EYS: variants seen among roughly 807,000 people sequenced by gnomAD.
The protein encoded by EYS is EGF-like photoreceptor maintenance factor.
A neutral mutation model predicts 282.1 loss-of-function variants in EYS; 250 were observed. The observed-to-expected ratio is 0.89, with a 90% CI of 0.80 to 0.98. The LOEUF is 0.98. Among genes scored for constraint, EYS ranks in the 50% least tolerant of loss-of-function variants. The pLI is 0.00. For missense variants in EYS, 4,016 were observed against 3,709.0 expected, an observed-to-expected ratio of 1.08 and a Z score of -2.15; for synonymous variants, 1,355 against 1,282.9, an observed-to-expected ratio of 1.06 and a Z score of -1.20.
chr6:65,232,251 A>C (rs946025093), intron 12 of EYS, among the ~76,000 whole-genome samples: 1 of 151,986 alleles, frequency 6.6e-6, no homozygotes, highest in Non-Finnish European at 1.5e-5. Flanking sequence ...ATAATGTCCA[A>C]AATTAAAATA....
At chr6:64,312,190 G>T (rs1187489851) in intron 29 of EYS, among the ~76,000 whole-genome samples, 1 of 151,924 alleles carries the variant, frequency 6.6e-6, no homozygotes, top group Admixed American at 6.6e-5. Flanking sequence ...CGAGCTTGGT[G>T]GGGGGAGGGG....
intron 31 of EYS, among the ~76,000 whole-genome samples, chr6:64,200,897 A>G (rs1765441874): frequency 2.0e-5 from 3 of 152,124 alleles, no homozygotes; most frequent in African/African-American, 7.2e-5. Flanking sequence ...CTTAGTCTAT[A>G]CTTCATTCAT....
At chr6:64,510,859 C>T (rs2150518846) in intron 26 of EYS, among the ~76,000 whole-genome samples, 1 of 152,156 alleles carries the variant, frequency 6.6e-6, no homozygotes, top group East Asian at 1.9e-4. Context: ...CTGTTTCTCT[C>T]CGGCAATGCC....
In EYS at chr6:63,954,151, T is replaced by G. The variant is rs78520586; in HGVS notation, c.7055+30232A>C. ...GGATACGACAACTGACCCCTGTGAC[T>G]GTATATCTCTGATCCACCTGACATT... On this transcript the variant is annotated intron_variant, in intron 35 of 42. Coordinates refer to ENST00000503581, the MANE Select transcript of EYS (RefSeq NM_001142800.2). 7.3e-3 allele frequency among the ~76,000 whole-genome samples: 1,113 copies of G among 152,286 alleles called. 16 individuals are homozygous for G. The highest frequency in any genetic ancestry group is 0.024 in the African/African-American group (991 of 41,548).
At chr6:65,701,488 T>A (rs1769673515) in intron 1 of EYS, among the ~76,000 whole-genome samples, 1 of 152,170 alleles carries the variant, frequency 6.6e-6, no homozygotes, top group African/African-American at 2.4e-5. Flanking sequence ...ATGATTATTT[T>A]AAAACAACTG....
chr6:65,443,416 ATATATGTACATATATG>A (rs1160818111), intron 5 of EYS, among the ~76,000 whole-genome samples: 2 of 144,082 alleles, frequency 1.4e-5, no homozygotes, highest in Admixed American at 1.4e-4. Context: ...ACATATAGCC[ATATATGTACATATATG>A]TACACATATA....
At chr6:65,085,425 T>C (rs1270526417) in intron 12 of EYS, among the ~76,000 whole-genome samples, 1 of 152,150 alleles carries the variant, frequency 6.6e-6, no homozygotes, top group Non-Finnish European at 1.5e-5. Context: ...GTCCCATGAA[T>C]TTTCTAATCT....
intron 13 of EYS, among the ~76,000 whole-genome samples, chr6:65,054,692 T>G (rs2150156191): frequency 6.6e-6 from 1 of 152,224 alleles, no homozygotes; most frequent in Middle Eastern, 3.4e-3. Context: ...TATTATACAT[T>G]ATTAGGTATG....
intron 35 of EYS, among the ~76,000 whole-genome samples, chr6:63,977,897 C>A (rs907396406): frequency 3.1e-4 from 47 of 152,012 alleles, no homozygotes; most frequent in African/African-American, 1.1e-3. Context: ...TACATTCCTT[C>A]CCCACTCTAA....
intron 22 of EYS, among the ~76,000 whole-genome samples, chr6:64,636,101 T>A (rs1223877936): frequency 6.6e-6 from 1 of 152,118 alleles, no homozygotes; most frequent in Non-Finnish European, 1.5e-5. Flanking sequence ...TTAAAGTTCA[T>A]ATGGAACCAA....
At chr6:65,538,071 A>T (rs946451515) in intron 2 of EYS, among the ~76,000 whole-genome samples, 5 of 152,166 alleles carry the variant, frequency 3.3e-5, no homozygotes, top group African/African-American at 1.2e-4. Context: ...AAAAAATATA[A>T]CTTGATTAGG....
rs551274678 is a variant in EYS at position 63,828,004 on chromosome 6, C to T, written c.7229-21632G>A. Among the ~76,000 whole-genome samples, 3 of 152,022 alleles carry T rather than the reference C, an allele frequency of 2.0e-5. No homozygotes were observed. The South Asian group carries it at 6.2e-4, about 32-fold the overall frequency. On this transcript the variant is annotated intron_variant, in intron 36 of 42. Coordinates refer to ENST00000503581, the MANE Select transcript of EYS (RefSeq NM_001142800.2). ...CCAGAATGAGTATTTGATAAAAAGA[C>T]AATCAAGATGGAAATTTAAAAAATT... is the stretch of plus-strand genomic sequence containing the variant.
intron 14 of EYS, among the ~76,000 whole-genome samples, chr6:64,959,146 G>A (rs952116609): frequency 2.0e-5 from 3 of 152,096 alleles, no homozygotes; most frequent in Non-Finnish European, 2.9e-5. Context: ...GAAGGGAGTA[G>A]AACAATGTAA....
At chr6:65,409,513 T>C (rs1159177845) in intron 5 of EYS, among the ~76,000 whole-genome samples, 3 of 152,186 alleles carry the variant, frequency 2.0e-5, no homozygotes, top group Admixed American at 2.0e-4. Context: ...TTACTCCTCT[T>C]ACCTTGAGTA....
chr6:64,352,621 T>A (rs1445587006), intron 29 of EYS, among the ~76,000 whole-genome samples: 1 of 151,536 alleles, frequency 6.6e-6, no homozygotes, highest in South Asian at 2.1e-4. Context: ...TTAATAAATA[T>A]CTGTTGACAA....
chr6:65,537,951 G>T (rs982400634), intron 2 of EYS, among the ~76,000 whole-genome samples: 1 of 152,168 alleles, frequency 6.6e-6, no homozygotes, highest in Non-Finnish European at 1.5e-5. Context: ...CTTTGGTCAG[G>T]CTGAGTCTGA....
intron 14 of EYS, among the ~76,000 whole-genome samples, chr6:64,975,718 A>G (rs2150113526): frequency 6.6e-6 from 1 of 152,014 alleles, no homozygotes; most frequent in East Asian, 1.9e-4. Context: ...TGAATCTCCT[A>G]AAAATCCCTT....
chr6:65,505,834 T>A (rs916106639), intron 2 of EYS, among the ~76,000 whole-genome samples: 4 of 152,130 alleles, frequency 2.6e-5, no homozygotes, highest in African/African-American at 7.2e-5. Context: ...TGCTAAATGT[T>A]CTACACAGTC....
At chr6:65,572,113 A>G (rs1414107139) in intron 2 of EYS, among the ~76,000 whole-genome samples, 1 of 152,090 alleles carries the variant, frequency 6.6e-6, no homozygotes, top group African/African-American at 2.4e-5. Flanking sequence ...AATTCCTTTT[A>G]AATCAATTCA....
Sources: allele counts gnomAD v4.1 joint callset (sites outside exome capture counted in the v4.1 genomes callset), GRCh38; gene constraint gnomAD v4.1.1; transcripts MANE v1.5; gene names NCBI Gene and HGNC (gene_info 2026-07-23, HGNC 2026-07-21).